NF2: variants seen among roughly 807,000 people sequenced by gnomAD.
NF2 encodes NF2, moesin-ezrin-radixin like (MERLIN) tumor suppressor.
NF2 carries 8 observed loss-of-function variants against 83.7 expected under a neutral mutation model. The ratio of observed to expected loss-of-function variants is 0.10; its 90% CI spans 0.06 to 0.17. NF2 has a LOEUF of 0.17. NF2 is among the 10% of genes least tolerant of loss of function. The pLI, the probability that NF2 is intolerant of heterozygous loss-of-function variation, is 1.00. For missense variants in NF2, 533 were observed against 744.4 expected, an observed-to-expected ratio of 0.72 and a Z score of 3.31; for synonymous variants, 266 against 269.6, an observed-to-expected ratio of 0.99 and a Z score of 0.13.
Position 29,694,728 on chromosome 22 carries a change from A to G in NF2, c.1738-24A>G. The G allele has an allele frequency of 6.2e-7, 1 of 1,613,066 alleles. No homozygotes were observed. The highest frequency in any genetic ancestry group is 2.2e-5 in the East Asian group (1 of 44,844). On this transcript the variant is annotated intron_variant, in intron 15 of 15. Transcript: ENST00000338641. The surrounding 1 kb of genome is among the most constrained non-coding windows in gnomAD (Gnocchi z 4.1). ...CAGAGCGGAGGTCTTGTGCCCTCTC[A>G]GCTTCTTCTCTGCTTTCTTACAGCT...
chr22:29,675,892 G>C (rs1454379745), intron 13 of NF2, among the ~76,000 whole-genome samples: 1 of 152,162 alleles, frequency 6.6e-6, no homozygotes, highest in African/African-American at 2.4e-5. Context: ...GGGCACCAGA[G>C]GCACAAGCTG....
At chr22:29,620,595 C>T (rs555029287) in intron 1 of NF2, among the ~76,000 whole-genome samples, 6 of 150,192 alleles carry the variant, frequency 4.0e-5, no homozygotes, top group South Asian at 2.1e-4. Context: ...AAAAATTAGC[C>T]GGGGGCAATG....
At chr22:29,666,385 C>T (rs1289912429) in intron 9 of NF2, among the ~76,000 whole-genome samples, 8 of 152,084 alleles carry the variant, frequency 5.3e-5, no homozygotes, top group Admixed American at 1.3e-4. Flanking sequence ...GTGATCTGCC[C>T]ACCTTGGCCT....
At chr22:29,633,068 CA>C (rs994899147) in intron 1 of NF2, among the ~76,000 whole-genome samples, 4 of 152,136 alleles carry the variant, frequency 2.6e-5, no homozygotes, top group African/African-American at 9.7e-5. Context: ...GAAGACTGAG[CA>C]AACCTCATGC....
At position 29,604,043 on chromosome 22, in the gene NF2, G is replaced by A; in HGVS notation, c.45G>A (p.Lys15=). 1 of 1,605,500 alleles carries A rather than the reference G, an allele frequency of 6.2e-7. No individual in the cohort carries two copies. ...IASRMSFSSL[K]RKQPKTFTVR... ...CCCGCATGAGCTTCAGCTCTCTCAA[G>A]AGGAAGCAACCCAAGACGTTCACCG... is the stretch of plus-strand genomic sequence containing the variant. The change falls in exon 1 of 16, where the codon AAG becomes AAA. Residue 15 remains lysine, a synonymous_variant. Coordinates refer to ENST00000338641, the MANE Select transcript of NF2 (RefSeq NM_000268.4).
At chr22:29,675,014 C>A in intron 13 of NF2, 73 bp downstream of exon 13, 1 of 1,317,594 alleles carries the variant, frequency 7.6e-7, no homozygotes, top group South Asian at 1.3e-5. Context: ...CCCTTCAGTT[C>A]ATCTGGCGGT....
At chr22:29,652,550 C>T (rs1265769537) in intron 4 of NF2, among the ~76,000 whole-genome samples, 1 of 152,186 alleles carries the variant, frequency 6.6e-6, no homozygotes, top group Non-Finnish European at 1.5e-5. Context: ...GATCTGCCCG[C>T]CTAGGCCTCC....
intron 15 of NF2, among the ~76,000 whole-genome samples, chr22:29,693,490 TC>T (rs1322862067): frequency 6.6e-6 from 1 of 152,100 alleles, no homozygotes; most frequent in Non-Finnish European, 1.5e-5. Context: ...GGAGTCTCCC[TC>T]CCCTGCCCTT....
At chr22:29,650,006 T>TAC (rs1464390009) in intron 4 of NF2, among the ~76,000 whole-genome samples, 2 of 151,814 alleles carry the variant, frequency 1.3e-5, no homozygotes, top group African/African-American at 4.8e-5. Context: ...AATATATATA[T>TAC]ACCTACTATG....
In NF2 at chr22:29,657,102, T is replaced by G. The variant is rs141993076; in HGVS notation, c.600-1087T>G. On this transcript the variant is annotated intron_variant, in intron 6 of 15. Transcript: ENST00000338641. ...TACAACTTGATCAATTATTGTAAGG[T>G]GAAAACACCAGAGGAAGAAATAACC... Among the ~76,000 whole-genome samples, 643 of 152,138 alleles carry G rather than the reference T, an allele frequency of 4.2e-3. 5 individuals are homozygous for G. The highest frequency in any genetic ancestry group is 0.015 in the African/African-American group (616 of 41,482).
At chr22:29,678,015 C>T (rs917022106) in intron 13 of NF2, among the ~76,000 whole-genome samples, 181 bp from the exon 14 acceptor site, 4 of 152,108 alleles carry the variant, frequency 2.6e-5, no homozygotes, top group Non-Finnish European at 2.9e-5. Flanking sequence ...TATTGTTTAC[C>T]TGGCAGTGGC....
intron 9 of NF2, among the ~76,000 whole-genome samples, chr22:29,666,226 C>T (rs529645205): frequency 6.0e-4 from 92 of 152,092 alleles, no homozygotes; most frequent in South Asian, 3.7e-3. Context: ...CTGCAACCTC[C>T]GCCTCCCGGA....
Position 29,653,184 on chromosome 22 carries a change from G to A in NF2, c.448-1473G>A, listed in dbSNP as rs557087990. Among the ~76,000 whole-genome samples the A allele has an allele frequency of 7.2e-5, 11 of 152,222 alleles. No individual in the cohort carries two copies. In the East Asian group the frequency reaches 9.6e-4, roughly 13 times the overall value. On this transcript the variant is annotated intron_variant, in intron 4 of 15. Coordinates refer to ENST00000338641, the MANE Select transcript of NF2 (RefSeq NM_000268.4). ...AATTAGGCCAGGCGCGGTGGCTGAC[G>A]CCTGTAATCTCAGCACTTTGGGAGG...
chr22:29,666,227 G>A (rs535097341), intron 9 of NF2, among the ~76,000 whole-genome samples: 49 of 151,786 alleles, frequency 3.2e-4, no homozygotes, highest in Admixed American at 9.2e-4. Context: ...TGCAACCTCC[G>A]CCTCCCGGAT....
At chr22:29,607,580 TAA>T (rs2064831649) in intron 1 of NF2, among the ~76,000 whole-genome samples, 1 of 152,174 alleles carries the variant, frequency 6.6e-6, no homozygotes, top group Non-Finnish European at 1.5e-5. Flanking sequence ...GTATATTATC[TAA>T]AATGTCCAGT....
In NF2 at chr22:29,694,074, G is replaced by C. The variant is rs151128832; in HGVS notation, c.1738-678G>C. Among the ~76,000 whole-genome samples the C allele has an allele frequency of 7.9e-5, 12 of 152,276 alleles. No homozygotes were observed. The highest frequency in any genetic ancestry group is 2.6e-4 in the Admixed American group (4 of 15,294). On this transcript the variant is annotated intron_variant, in intron 15 of 15. Coordinates refer to ENST00000338641, the MANE Select transcript of NF2 (RefSeq NM_000268.4). The surrounding 1 kb of genome is among the most constrained non-coding windows in gnomAD (Gnocchi z 4.1). ...CATCCCCTTCCACATCTCCCTGACT[G>C]TCCTTCTTTACATTTGCTGGGCAGA...
intron 15 of NF2, among the ~76,000 whole-genome samples, chr22:29,688,053 G>A (rs1275453135): frequency 1.3e-5 from 2 of 152,214 alleles, no homozygotes; most frequent in African/African-American, 4.8e-5. Flanking sequence ...TAACTGTTGA[G>A]AGCTTAGTTT....
rs2147083348 is a variant in NF2 at position 29,673,409 on chromosome 22, G to A, written c.1263G>A (p.Glu421=). Residue 421 remains glutamate, a synonymous_variant, in exon 12 of 16, where the codon GAG becomes GAA. Coordinates refer to ENST00000338641, the MANE Select transcript of NF2 (RefSeq NM_000268.4). ...RIKATAIRTE[E]EKRLMEQKVL... is the part of the protein sequence containing the mutation. The stretch of plus-strand genomic sequence containing the variant: ...AGGCCACAGCGATTCGCACGGAGGA[G>A]GAGAAGCGCCTGATGGAGCAGAAGG... The A allele has an allele frequency of 6.2e-7, 1 of 1,612,684 alleles. No homozygotes were observed. Among genetic ancestry groups the A allele is most frequent in the Non-Finnish European group, 8.5e-7 (1 of 1,179,658 alleles).
At chr22:29,658,942 T>G (rs1373392302) in intron 7 of NF2, among the ~76,000 whole-genome samples, 2 of 152,198 alleles carry the variant, frequency 1.3e-5, no homozygotes, top group East Asian at 3.8e-4. Flanking sequence ...GTTAAAACAA[T>G]GAGGCGGGTC....
Sources: gnomAD v4.1 joint callset for allele counts (sites outside exome capture counted in the v4.1 genomes callset) on GRCh38, gnomAD v4.1.1 for gene constraint, Gnocchi (gnomAD v3.1) non-coding constraint, MANE v1.5 for transcripts, NCBI Gene and HGNC (gene_info 2026-07-23, HGNC 2026-07-21) for gene names.